CDH13: variants seen among roughly 807,000 people sequenced by gnomAD.
The protein encoded by CDH13 is cadherin 13, also known as cadherin-13.
In CDH13, 24 loss-of-function variants were observed where a neutral mutation model predicts 63.8. The observed-to-expected ratio is 0.38, with a 90% confidence interval of 0.27 to 0.53. CDH13 has a LOEUF of 0.53. Ranked by LOEUF, CDH13 falls within the 20% of genes least tolerant of loss-of-function variation. CDH13 has a pLI of 0.85. For missense variants in CDH13, 1,049 were observed against 903.1 expected (o/e 1.16, Z -2.07); for synonymous variants, 503 against 355.3 (o/e 1.42, Z -4.67).
intron 2 of CDH13, among the ~76,000 whole-genome samples, chr16:82,968,742 T>C (rs896839191): frequency 6.6e-6 from 1 of 152,230 alleles, no homozygotes; most frequent in Non-Finnish European, 1.5e-5. Context: ...ATCAGTCATA[T>C]GGTGTTATAA....
At chr16:83,483,774 A>T (rs1168949294) in intron 6 of CDH13, among the ~76,000 whole-genome samples, 1 of 152,108 alleles carries the variant, frequency 6.6e-6, no homozygotes, top group African/African-American at 2.4e-5. Context: ...TCTGATGGGG[A>T]TATCCTTAAG....
intron 8 of CDH13, among the ~76,000 whole-genome samples, chr16:83,667,842 T>G (rs1027431124): frequency 6.6e-6 from 1 of 151,910 alleles, no homozygotes; most frequent in Non-Finnish European, 1.5e-5. Flanking sequence ...CATTTTTTTT[T>G]AGAGAGATGG....
intron 1 of CDH13, among the ~76,000 whole-genome samples, chr16:82,757,660 T>C (rs546471963): frequency 1.5e-4 from 16 of 104,486 alleles, no homozygotes; most frequent in African/African-American, 3.8e-4. Flanking sequence ...TTTTTTTTTT[T>C]TGGGGACAGA....
chr16:82,727,225 ACT>A (rs1307632324), intron 1 of CDH13, among the ~76,000 whole-genome samples: 1 of 151,960 alleles, frequency 6.6e-6, no homozygotes, highest in Non-Finnish European at 1.5e-5. Flanking sequence ...TTGTGGACAC[ACT>A]CTGGTGTTTG....
intron 2 of CDH13, among the ~76,000 whole-genome samples, chr16:82,866,213 T>A (rs931461846): frequency 5.9e-5 from 9 of 152,140 alleles, no homozygotes; most frequent in African/African-American, 2.2e-4. Flanking sequence ...TTCCAAACTT[T>A]CCCACATCTT....
chr16:83,518,634 G>A (rs1413718196), intron 7 of CDH13, among the ~76,000 whole-genome samples: 5 of 147,298 alleles, frequency 3.4e-5, no homozygotes, highest in Non-Finnish European at 6.0e-5. Context: ...CACTACACCC[G>A]GCTAATTTTT....
At chr16:83,688,289 G>T (rs865887819) in intron 10 of CDH13, among the ~76,000 whole-genome samples, 1 of 152,148 alleles carries the variant, frequency 6.6e-6, no homozygotes, top group Non-Finnish European at 1.5e-5. Flanking sequence ...GCAAAAATCA[G>T]CTCTCTTGAA....
At chr16:82,917,590 T>A (rs946927439) in intron 2 of CDH13, among the ~76,000 whole-genome samples, 13 of 152,098 alleles carry the variant, frequency 8.5e-5, no homozygotes, top group Admixed American at 6.5e-5. Flanking sequence ...TGACAAAATG[T>A]GAACTTCTCT....
chr16:83,060,124 A>C (rs983780923), intron 3 of CDH13, among the ~76,000 whole-genome samples: 1 of 152,058 alleles, frequency 6.6e-6, no homozygotes, highest in Non-Finnish European at 1.5e-5. Context: ...CAAAAGCTCT[A>C]TGGCTTCAAA....
intron 2 of CDH13, among the ~76,000 whole-genome samples, chr16:82,875,169 T>A (rs2040463288): frequency 6.6e-6 from 1 of 152,232 alleles, no homozygotes; most frequent in African/African-American, 2.4e-5. Context: ...TTTTTGCGTA[T>A]GACAAAAGTT....
rs28432212 is a variant in CDH13, at chr16:82,913,187, A to G, written c.157+54714A>G. On this transcript the variant is annotated intron_variant, in intron 2 of 13. Transcript: ENST00000567109. ...TTAAAATGGACTTTAAAATGGTCTA[A>G]AAAGTGTTTCTAGGTACAAAATGAA... Among the ~76,000 whole-genome samples, 830 of 152,244 alleles carry G rather than the reference A, an allele frequency of 5.5e-3. 4 individuals carry two copies. Among genetic ancestry groups the G allele is most frequent in the African/African-American group, 0.019 (798 of 41,548 alleles).
intron 7 of CDH13, among the ~76,000 whole-genome samples, chr16:83,501,573 A>G (rs534239093): frequency 6.2e-4 from 95 of 152,304 alleles, no homozygotes; most frequent in African/African-American, 2.0e-3. Flanking sequence ...TTTTTCATCC[A>G]GGCATTACAT....
intron 2 of CDH13, among the ~76,000 whole-genome samples, chr16:82,919,269 T>C (rs1250897419): frequency 1.3e-5 from 2 of 152,244 alleles, no homozygotes; most frequent in Non-Finnish European, 2.9e-5. Flanking sequence ...GGTAAACTCA[T>C]GTCATAGAGA....
At chr16:83,106,894 T>C (rs2034791580) in intron 3 of CDH13, among the ~76,000 whole-genome samples, 1 of 152,160 alleles carries the variant, frequency 6.6e-6, no homozygotes, top group African/African-American at 2.4e-5. Flanking sequence ...TCTATGTGGA[T>C]GATTTTTTTT....
chr16:83,157,795 C>T (rs1418473693), intron 4 of CDH13, among the ~76,000 whole-genome samples: 1 of 150,730 alleles, frequency 6.6e-6, no homozygotes, highest in East Asian at 1.9e-4. Context: ...TGCCTGTAGT[C>T]CCAGCAACTC....
intron 10 of CDH13, among the ~76,000 whole-genome samples, chr16:83,701,232 A>G (rs889643252): frequency 2.6e-5 from 4 of 152,212 alleles, no homozygotes. Flanking sequence ...CCCTGAAAAG[A>G]TGAGAGACTC....
chr16:83,058,707 G>A (rs2031210503), intron 3 of CDH13, among the ~76,000 whole-genome samples: 1 of 152,172 alleles, frequency 6.6e-6, no homozygotes, highest in African/African-American at 2.4e-5. Flanking sequence ...GAAAACAGAA[G>A]AGTCTTATGT....
At chr16:83,657,575 C>G (rs1165200275) in intron 8 of CDH13, among the ~76,000 whole-genome samples, 2 of 152,180 alleles carry the variant, frequency 1.3e-5, no homozygotes, top group Non-Finnish European at 2.9e-5. Context: ...GCCCACCTTC[C>G]TCTGCAGCAG....
chr16:83,076,932 T>C (rs760470661), intron 3 of CDH13, among the ~76,000 whole-genome samples: 2 of 151,526 alleles, frequency 1.3e-5, no homozygotes, highest in Non-Finnish European at 3.0e-5. Flanking sequence ...ATTACTTTTG[T>C]GCCAACTGAA....
Sources: allele counts gnomAD v4.1 joint callset (sites outside exome capture counted in the v4.1 genomes callset), GRCh38; gene constraint gnomAD v4.1.1; transcripts MANE v1.5; gene names NCBI Gene and HGNC (gene_info 2026-07-23, HGNC 2026-07-21).